Variants in MGLL observed in about 807,000 individuals in gnomAD.
MGLL encodes the protein monoglyceride lipase.
Under a neutral mutation model 29.1 loss-of-function variants are expected in MGLL, and 7 were observed. The observed-to-expected ratio is 0.24, with a 90% CI of 0.14 to 0.45. The LOEUF is 0.45. MGLL is among the 20% of genes least tolerant of loss of function. The probability of loss-of-function intolerance (pLI) is 0.99; values close to 1 mark genes in which losing one functional copy is unlikely to be tolerated. For synonymous variants in MGLL, 148 were observed against 168.3 expected, an observed-to-expected ratio of 0.88 and a Z score of 0.93; for missense variants, 356 against 413.6, an observed-to-expected ratio of 0.86 and a Z score of 1.21.
intron 3 of MGLL, among the ~76,000 whole-genome samples, chr3:127,771,604 C>G (rs749068636): frequency 1.3e-5 from 2 of 152,144 alleles, no homozygotes; most frequent in Non-Finnish European, 2.9e-5. Flanking sequence ...AGTCCTTCCC[C>G]CTCAGCCTCC....
chr3:127,819,734 G>T (rs761039257), intron 2 of MGLL, among the ~76,000 whole-genome samples: 3 of 152,060 alleles, frequency 2.0e-5, no homozygotes, highest in Non-Finnish European at 4.4e-5. Context: ...GATGCTGCGG[G>T]GGTCTCCCAG....
intron 6 of MGLL, among the ~76,000 whole-genome samples, chr3:127,702,691 T>C (rs898538677): frequency 1.3e-5 from 2 of 152,124 alleles, no homozygotes; most frequent in African/African-American, 4.8e-5. Flanking sequence ...CATCCTGGCA[T>C]CTGTTTGTTT....
intron 2 of MGLL, among the ~76,000 whole-genome samples, chr3:127,800,699 C>G (rs1040985108): frequency 6.6e-6 from 1 of 152,226 alleles, no homozygotes; most frequent in Non-Finnish European, 1.5e-5. Flanking sequence ...CCTGCCACAA[C>G]TGATCTTATG....
chr3:127,692,831 C>G (rs1004941987), intron 7 of MGLL, among the ~76,000 whole-genome samples: 1 of 152,212 alleles, frequency 6.6e-6, no homozygotes, highest in Non-Finnish European at 1.5e-5. Context: ...TCTTGTGGTT[C>G]CATGGCTTTA....
chr3:127,766,756 C>G (rs995330852), intron 3 of MGLL, among the ~76,000 whole-genome samples: 3 of 152,068 alleles, frequency 2.0e-5, no homozygotes, highest in African/African-American at 4.8e-5. Flanking sequence ...AAATATGAAG[C>G]CTTAGTTTAC....
chr3:127,766,626 A>G (rs1057082471), intron 3 of MGLL, among the ~76,000 whole-genome samples: 5 of 152,246 alleles, frequency 3.3e-5, no homozygotes, highest in Non-Finnish European at 5.9e-5. Flanking sequence ...AACTCCGAAG[A>G]CAGTGGCTTT....
chr3:127,750,596 G>A (rs903487348), intron 3 of MGLL, among the ~76,000 whole-genome samples: 3 of 151,532 alleles, frequency 2.0e-5, no homozygotes, highest in African/African-American at 7.3e-5. Context: ...GCAAACCACA[G>A]GTTTCAGTCA....
intron 2 of MGLL, among the ~76,000 whole-genome samples, chr3:127,805,079 C>A (rs1317476914): frequency 6.6e-6 from 1 of 152,190 alleles, no homozygotes; most frequent in African/African-American, 2.4e-5. Flanking sequence ...AAATAGGAAG[C>A]AAGAGGCAGA....
chr3:127,784,868 C>T (rs916003943), intron 2 of MGLL, among the ~76,000 whole-genome samples: 1 of 152,206 alleles, frequency 6.6e-6, no homozygotes, highest in Non-Finnish European at 1.5e-5. Context: ...GAAATCAAAT[C>T]ATGTTACCCT....
chr3:127,801,600 G>A (rs1430836174), intron 2 of MGLL, among the ~76,000 whole-genome samples: 1 of 151,870 alleles, frequency 6.6e-6, no homozygotes, highest in East Asian at 1.9e-4. Context: ...TGGGCAACAA[G>A]AACAAAACTC....
chr3:127,740,085 C>T (rs189526682), intron 3 of MGLL, among the ~76,000 whole-genome samples: 36 of 152,320 alleles, frequency 2.4e-4, no homozygotes, highest in African/African-American at 6.7e-4. Context: ...GTGGGTCCAG[C>T]GTGGCCCAGT....
chr3:127,701,816 A>G (rs2075495918), intron 6 of MGLL, among the ~76,000 whole-genome samples: 1 of 152,048 alleles, frequency 6.6e-6, no homozygotes, highest in Admixed American at 6.6e-5. Flanking sequence ...CGTTTCCACC[A>G]TCCCCTTCCA....
intron 2 of MGLL, among the ~76,000 whole-genome samples, chr3:127,789,704 AAAAG>A (rs754608663): frequency 2.0e-5 from 3 of 152,152 alleles, no homozygotes; most frequent in Non-Finnish European, 4.4e-5. Flanking sequence ...CCCTGTCTCA[AAAAG>A]AAAGAAAGAA....
At chr3:127,749,766 AGCGGGTATGTGGT>A (rs2076521628) in intron 3 of MGLL, among the ~76,000 whole-genome samples, 1 of 152,230 alleles carries the variant, frequency 6.6e-6, no homozygotes, top group East Asian at 1.9e-4. Flanking sequence ...GTCTGGAGGG[AGCGGGTATGTGGT>A]GCGTGTGTAT....
intron 2 of MGLL, among the ~76,000 whole-genome samples, chr3:127,820,925 G>A (rs1218890049): frequency 6.6e-6 from 1 of 152,174 alleles, no homozygotes; most frequent in Non-Finnish European, 1.5e-5. Flanking sequence ...GGTGATTACT[G>A]GAGCACAAAG....
intron 2 of MGLL, among the ~76,000 whole-genome samples, chr3:127,802,003 G>T (rs1360019495): frequency 6.6e-6 from 1 of 151,960 alleles, no homozygotes; most frequent in African/African-American, 2.4e-5. Context: ...GTCTGGCCAG[G>T]CACTGGGTTA....
intron 2 of MGLL, among the ~76,000 whole-genome samples, chr3:127,812,580 T>C (rs947321819): frequency 6.6e-6 from 1 of 152,222 alleles, no homozygotes; most frequent in African/African-American, 2.4e-5. Context: ...CTGGGTCCTC[T>C]GTGACTGGCG....
At chr3:127,822,977 C>T (rs923847350), upstream of MGLL, 4 of 152,552 alleles carry the variant, frequency 2.6e-5, no homozygotes, top group African/African-American at 9.6e-5. Flanking sequence ...CACACACGCA[C>T]ACATGGGTAG....
intron 3 of MGLL, among the ~76,000 whole-genome samples, chr3:127,756,783 G>A (rs7653663): frequency 0.24 from 36,872 of 152,110 alleles, 5,607 homozygotes; most frequent in East Asian, 0.42. Flanking sequence ...CCTAACTGAT[G>A]TAGAAATCAT....
Sources: allele counts gnomAD v4.1 joint callset (sites outside exome capture counted in the v4.1 genomes callset), GRCh38; gene constraint gnomAD v4.1.1; transcripts MANE v1.5; gene names NCBI Gene and HGNC (gene_info 2026-07-23, HGNC 2026-07-21).